The following FRK variants were observed in gnomAD, a reference collection of about 807,000 sequenced individuals.
FRK encodes the protein tyrosine-protein kinase FRK.
A neutral mutation model predicts 56.4 loss-of-function variants in FRK; 51 were observed. The observed-to-expected ratio is 0.90, with a 90% CI of 0.72 to 1.14. FRK has a LOEUF of 1.14. Ranked by LOEUF, FRK falls within the 50% of genes most tolerant of loss-of-function variation. The probability of loss-of-function intolerance (pLI) is 0.00; values close to 1 mark genes in which losing one functional copy is unlikely to be tolerated. For synonymous variants in FRK, 245 were observed against 217.9 expected (o/e 1.12, Z -1.10); for missense variants, 570 against 601.4 (o/e 0.95, Z 0.55).
rs768917709 is a variant in FRK, at chr6:116,004,009, A to G, written c.345-11T>C. 6.2e-7 allele frequency: 1 copy of G among 1,608,656 alleles called. No individual in the cohort carries two copies. The highest frequency in any genetic ancestry group is 2.2e-5 in the East Asian group (1 of 44,766). Reference sequence around the variant, plus strand: ...GCTCCAAAGAACCACCTAAAAAGAGAGATATGTAAATGTTAAGTAACCAAT... The same window carrying G: ...GCTCCAAAGAACCACCTAAAAAGAGGGATATGTAAATGTTAAGTAACCAAT... On this transcript the variant is annotated splice_polypyrimidine_tract_variant and intron_variant, in intron 1 of 7. Transcript: ENST00000606080.
chr6:116,000,433 G>A (rs1775021822), intron 2 of FRK, among the ~76,000 whole-genome samples: 1 of 151,558 alleles, frequency 6.6e-6, no homozygotes. Context: ...AGTAGAGACA[G>A]GGTTTCACCA....
upstream of FRK, among the ~76,000 whole-genome samples, chr6:116,064,068 C>A (rs1777710106): frequency 6.6e-6 from 1 of 152,220 alleles, no homozygotes; most frequent in East Asian, 1.9e-4. Flanking sequence ...CTTAGTTCTT[C>A]AGCATGATAC....
chr6:115,988,875 C>A (rs950167896), intron 2 of FRK, among the ~76,000 whole-genome samples: 10 of 151,924 alleles, frequency 6.6e-5, no homozygotes, highest in African/African-American at 1.9e-4. Flanking sequence ...ACCTGAAATA[C>A]AAACTGAACT....
chr6:115,984,851 C>T (rs991693342), intron 2 of FRK, among the ~76,000 whole-genome samples: 6 of 151,354 alleles, frequency 4.0e-5, no homozygotes, highest in Admixed American at 6.6e-5. Flanking sequence ...AAATTTGTTT[C>T]GATGTGCCGA....
At chr6:115,977,220 C>T (rs1263923874) in intron 2 of FRK, among the ~76,000 whole-genome samples, 1 of 152,120 alleles carries the variant, frequency 6.6e-6, no homozygotes, top group Non-Finnish European at 1.5e-5. Context: ...GCTAATGTTA[C>T]ACTGAATTCT....
rs542970298 is a variant in FRK, at chr6:115,938,770, A to G, written c.*3644T>C. The G allele has an allele frequency of 6.6e-6, 1 of 152,340 alleles. No individual in the cohort carries two copies. The highest frequency in any genetic ancestry group is 2.1e-4 in the South Asian group (1 of 4,830). 9.4% of individuals were successfully genotyped at this position (152,340 alleles called of 1,614,324 possible). A position where few individuals can be genotyped will look rare whatever the true frequency, so the allele number is the denominator to read the frequency against. ...ACATACACCCTCCCAAGTCTAAACC[A>G]GGAAGAAGATGAATCCCTAAATAGA... On this transcript the variant is annotated 3_prime_UTR_variant, in exon 8 of 8. Transcript: ENST00000606080.
chr6:116,040,311 T>G (rs1776665548), intron 1 of FRK, among the ~76,000 whole-genome samples: 1 of 152,228 alleles, frequency 6.6e-6, no homozygotes, highest in Non-Finnish European at 1.5e-5. Flanking sequence ...ACTAGCTACC[T>G]TTATTTTTCA....
At chr6:116,036,898 C>A (rs1776505322) in intron 1 of FRK, among the ~76,000 whole-genome samples, 1 of 152,074 alleles carries the variant, frequency 6.6e-6, no homozygotes, top group Non-Finnish European at 1.5e-5. Context: ...ATTATGTATT[C>A]CTTTAACTCC....
At chr6:116,063,998 A>G (rs1301344100), upstream of FRK, among the ~76,000 whole-genome samples, 5 of 152,208 alleles carry the variant, frequency 3.3e-5, no homozygotes, top group Non-Finnish European at 4.4e-5. Context: ...CTCTAAAAAT[A>G]TCTGATATTA....
intron 2 of FRK, among the ~76,000 whole-genome samples, chr6:115,992,216 A>G (rs771753756): frequency 7.9e-5 from 12 of 151,694 alleles, no homozygotes; most frequent in Non-Finnish European, 1.6e-4. Flanking sequence ...ATTCTGTGCC[A>G]CTATTTTCCA....
At chr6:116,098,316 G>A in the FRK span, among the ~76,000 whole-genome samples, 1 of 151,746 alleles carries the variant, frequency 6.6e-6, no homozygotes, top group African/African-American at 2.4e-5. Context: ...TCGCTATGTT[G>A]CCCAAGCTGG....
chr6:116,088,093 T>C, the FRK span, among the ~76,000 whole-genome samples: 1 of 152,322 alleles, frequency 6.6e-6, no homozygotes, highest in South Asian at 2.1e-4. Flanking sequence ...TCATGGGACA[T>C]GCCAGCAGAA....
At chr6:116,024,586 G>C (rs928498867) in intron 1 of FRK, among the ~76,000 whole-genome samples, 3 of 151,962 alleles carry the variant, frequency 2.0e-5, no homozygotes, top group Non-Finnish European at 4.4e-5. Flanking sequence ...CCCTACAAAG[G>C]ACATGAACTC....
At chr6:115,975,212 T>A (rs1392626463) in intron 2 of FRK, among the ~76,000 whole-genome samples, 1 of 152,178 alleles carries the variant, frequency 6.6e-6, no homozygotes, top group African/African-American at 2.4e-5. Context: ...CAATATCTAA[T>A]TTCTTGATTT....
At chr6:115,994,338 C>CTTTTTTT (rs138130403) in intron 2 of FRK, among the ~76,000 whole-genome samples, 1 of 91,768 alleles carries the variant, frequency 1.1e-5, no homozygotes, top group Non-Finnish European at 2.4e-5. Flanking sequence ...CCCCCCCCGC[C>CTTTTTTT]TTTTTTTTGT....
rs541610371 is a variant in FRK, at chr6:115,956,754, A to G, written c.800-144T>C. ...TCACAAATCTTCAGAGTTATCAAAA[A>G]GAGAATCAGTTCAGCCAGAGCAACC... On this transcript the variant is annotated intron_variant, in intron 4 of 7. Transcript: ENST00000606080. 9 of 607,190 alleles carry G rather than the reference A, an allele frequency of 1.5e-5. No individual in the cohort carries two copies. The Admixed American group carries it at 3.3e-4, about 23-fold the overall frequency. 37.6% of individuals were successfully genotyped at this position (607,190 alleles called of 1,614,324 possible).
intron 2 of FRK, among the ~76,000 whole-genome samples, chr6:116,002,877 G>C (rs1179607773): frequency 6.6e-6 from 1 of 152,118 alleles, no homozygotes; most frequent in South Asian, 2.1e-4. Context: ...TGTGGAGAAG[G>C]ATAATGTGTA....
chr6:116,049,103 T>G (rs1027373366), intron 1 of FRK, among the ~76,000 whole-genome samples: 1 of 152,166 alleles, frequency 6.6e-6, no homozygotes, highest in Non-Finnish European at 1.5e-5. Flanking sequence ...CATTCCTACC[T>G]CCTCGTAGTC....
intron 2 of FRK, among the ~76,000 whole-genome samples, chr6:115,981,991 A>G (rs1295462305): frequency 6.6e-6 from 1 of 151,880 alleles, no homozygotes; most frequent in Non-Finnish European, 1.5e-5. Context: ...TTATGTGTCA[A>G]ATTGACTGAG....
Sources: gnomAD v4.1 joint callset for allele counts (sites outside exome capture counted in the v4.1 genomes callset) on GRCh38, gnomAD v4.1.1 for gene constraint, MANE v1.5 for transcripts, NCBI Gene and HGNC (gene_info 2026-07-23, HGNC 2026-07-21) for gene names.